TTC28: variants seen among roughly 807,000 people sequenced by gnomAD.
The protein encoded by TTC28 is tetratricopeptide repeat protein 28.
A neutral mutation model predicts 198.0 loss-of-function variants in TTC28; 61 were observed. The ratio of observed to expected loss-of-function variants is 0.31; its 90% CI spans 0.25 to 0.38. TTC28 has a LOEUF of 0.38. Among genes scored for constraint, TTC28 ranks in the 10% least tolerant of loss-of-function variants. TTC28 has a pLI of 1.00. For synonymous variants in TTC28, 1,171 were observed against 1,297.8 expected (o/e 0.90, Z 2.10); for missense variants, 2,678 against 3,164.0 (o/e 0.85, Z 3.69).
intron 2 of TTC28, among the ~76,000 whole-genome samples, chr22:28,500,740 A>AT (rs2048526385): frequency 6.6e-6 from 1 of 152,138 alleles, no homozygotes; most frequent in African/African-American, 2.4e-5. Flanking sequence ...AACAATTTCT[A>AT]TTTATTAGCA....
intron 2 of TTC28, among the ~76,000 whole-genome samples, chr22:28,320,007 T>A (rs1346794822): frequency 6.6e-6 from 1 of 152,146 alleles, no homozygotes; most frequent in African/African-American, 2.4e-5. Flanking sequence ...TTTCAACAGT[T>A]GGTGAGAATT....
chr22:28,071,748 G>GAAA (rs371615737), intron 12 of TTC28, among the ~76,000 whole-genome samples: 3 of 91,132 alleles, frequency 3.3e-5, no homozygotes, highest in Non-Finnish European at 4.6e-5. Context: ...AAAAAAAAAG[G>GAAA]AAAAAAAAAA....
intron 13 of TTC28, 121 bp downstream of exon 13, chr22:28,030,105 G>A: frequency 7.3e-7 from 1 of 1,378,864 alleles, no homozygotes; most frequent in Middle Eastern, 2.6e-4. Context: ...GCTTGCTGCT[G>A]CAAATGCATG....
At chr22:28,351,760 C>A (rs932581412) in intron 2 of TTC28, among the ~76,000 whole-genome samples, 1 of 152,152 alleles carries the variant, frequency 6.6e-6, no homozygotes, top group East Asian at 1.9e-4. Flanking sequence ...CAAGAAAAAA[C>A]ATACTAGTCA....
At chr22:28,022,126 G>A (rs375844422) in intron 13 of TTC28, among the ~76,000 whole-genome samples, 30 of 152,250 alleles carry the variant, frequency 2.0e-4, no homozygotes, top group African/African-American at 6.5e-4. Context: ...TGTGGCCTGA[G>A]GGGGAGCCCT....
Position 28,163,386 on chromosome 22 carries a change from T to A in TTC28, c.1147A>T (p.Ile383Leu). Residue 383 changes from isoleucine to leucine, a missense_variant, in exon 6 of 23, where the codon ATA (isoleucine) becomes TTA (leucine). This residue lies in a region of TTC28 where 775 missense variants were observed against 845.9 expected (regional missense o/e 0.92). Coordinates refer to ENST00000397906, the MANE Select transcript of TTC28 (RefSeq NM_001145418.2). ...CGCTTGTTCCCCAGGTCCTTGGCTA[T>A]CTTCAGATGCTGCTCATGGCACTGC... ...AVQCHEQHLK[I>L]AKDLGNKREE... 1 of 1,552,064 alleles carries A rather than the reference T, an allele frequency of 6.4e-7. No individual in the cohort carries two copies. The highest frequency in any genetic ancestry group is 8.7e-7 in the Non-Finnish European group (1 of 1,147,060).
intron 5 of TTC28, among the ~76,000 whole-genome samples, chr22:28,280,855 C>A (rs1314951519): frequency 6.6e-6 from 1 of 151,932 alleles, no homozygotes; most frequent in African/African-American, 2.4e-5. Context: ...ATTATTTCTG[C>A]TGATTATTGA....
chr22:28,362,298 TTC>T (rs2046171584), intron 2 of TTC28, among the ~76,000 whole-genome samples: 1 of 152,084 alleles, frequency 6.6e-6, no homozygotes, highest in Non-Finnish European at 1.5e-5. Context: ...CCTGCACAAG[TTC>T]TCTCTCTTTG....
At chr22:28,662,388 T>G in intron 1 of TTC28, among the ~76,000 whole-genome samples, 1 of 152,234 alleles carries the variant, frequency 6.6e-6, no homozygotes, top group East Asian at 1.9e-4. Flanking sequence ...AGAGCCAGGC[T>G]GCTAAATTAG....
chr22:28,070,936 G>A (rs1329051259), intron 12 of TTC28, among the ~76,000 whole-genome samples: 1 of 152,172 alleles, frequency 6.6e-6, no homozygotes, highest in South Asian at 2.1e-4. Flanking sequence ...GGCTTTAGCT[G>A]CAAGCATCCA....
intron 5 of TTC28, among the ~76,000 whole-genome samples, chr22:28,191,590 C>T (rs1569188098): frequency 6.6e-6 from 1 of 152,374 alleles, no homozygotes; most frequent in South Asian, 2.1e-4. Context: ...CTCTCCCACC[C>T]TAATACTGCG....
rs968138693 is a variant in TTC28, at chr22:28,078,056, C to T, written c.3932+16024G>A. ...CCTTATGGGAGGCTCATGTTCTATA[C>T]AGTGGTTTCAATCTACGCCTCTTTT... On this transcript the variant is annotated intron_variant, in intron 12 of 22. Coordinates refer to ENST00000397906, the MANE Select transcript of TTC28 (RefSeq NM_001145418.2). Among the ~76,000 whole-genome samples, 6 of 152,322 alleles carry T rather than the reference C, an allele frequency of 3.9e-5. No homozygotes were observed. The South Asian group carries it at 1.2e-3, about 32-fold the overall frequency.
chr22:28,079,150 AG>A (rs1354066934), intron 12 of TTC28, among the ~76,000 whole-genome samples: 2 of 152,122 alleles, frequency 1.3e-5, no homozygotes, highest in Non-Finnish European at 2.9e-5. Context: ...GGTGGGTAGG[AG>A]GGCAAGGAAA....
At chr22:28,322,261 T>C (rs1232361174) in intron 2 of TTC28, among the ~76,000 whole-genome samples, 1 of 152,206 alleles carries the variant, frequency 6.6e-6, no homozygotes, top group Non-Finnish European at 1.5e-5. Flanking sequence ...CAAAGGACAT[T>C]ATTTAACCTG....
At chr22:28,046,136 T>C (rs1192990327) in intron 12 of TTC28, among the ~76,000 whole-genome samples, 1 of 152,248 alleles carries the variant, frequency 6.6e-6, no homozygotes, top group Non-Finnish European at 1.5e-5. Flanking sequence ...ATGTGTGTTG[T>C]CCTTAGTGAA....
At chr22:28,338,322 C>T (rs982161359) in intron 2 of TTC28, among the ~76,000 whole-genome samples, 1 of 152,052 alleles carries the variant, frequency 6.6e-6, no homozygotes, top group Non-Finnish European at 1.5e-5. Context: ...TGTGTCTTGG[C>T]ATTGCTCTTC....
chr22:28,296,168 A>G, intron 5 of TTC28, 30 bp downstream of exon 5: 2 of 1,521,096 alleles, frequency 1.3e-6, no homozygotes, highest in Non-Finnish European at 1.8e-6. Flanking sequence ...AGAAAAAAAA[A>G]TGTTTTTGGT....
intron 6 of TTC28, among the ~76,000 whole-genome samples, chr22:28,136,787 C>T (rs1943209342): frequency 6.6e-6 from 1 of 152,110 alleles, no homozygotes; most frequent in South Asian, 2.1e-4. Context: ...TTCTGTATAC[C>T]CACTACTTTA....
chr22:28,630,328 C>A (rs1025704287), intron 1 of TTC28, among the ~76,000 whole-genome samples: 1 of 151,968 alleles, frequency 6.6e-6, no homozygotes, highest in Non-Finnish European at 1.5e-5. Flanking sequence ...ACTCTGTAAC[C>A]CAGGCTACAG....
Sources: gnomAD v4.1 joint callset for allele counts (sites outside exome capture counted in the v4.1 genomes callset) on GRCh38, gnomAD v4.1.1 for gene constraint, gnomAD v4.1.1 regional missense constraint, MANE v1.5 for transcripts, NCBI Gene and HGNC (gene_info 2026-07-23, HGNC 2026-07-21) for gene names.